Variants in SLC14A2 observed in about 807,000 individuals in gnomAD.
SLC14A2 encodes the protein solute carrier family 14 member 2, also known as urea transporter 2.
SLC14A2 carries 91 observed loss-of-function variants against 104.6 expected under a neutral mutation model. The observed-to-expected ratio is 0.87, with a 90% confidence interval of 0.73 to 1.04. The LOEUF (loss-of-function observed/expected upper bound fraction) is 1.04. Among genes scored for constraint, SLC14A2 ranks in the 50% least tolerant of loss-of-function variants. The pLI is 0.00. For synonymous variants in SLC14A2, 476 were observed against 466.4 expected (o/e 1.02, Z -0.27); for missense variants, 1,189 against 1,156.0 (o/e 1.03, Z -0.41).
At chr18:45,489,381 T>G (rs1030920265) in intron 2 of SLC14A2, among the ~76,000 whole-genome samples, 27 of 152,046 alleles carry the variant, frequency 1.8e-4, no homozygotes, top group African/African-American at 6.3e-4. Flanking sequence ...TGTGGTGGTG[T>G]GCTCCTGTGG....
the SLC14A2 span, among the ~76,000 whole-genome samples, chr18:45,207,499 CTAA>C: frequency 6.6e-6 from 1 of 151,796 alleles, no homozygotes; most frequent in Non-Finnish European, 1.5e-5. Flanking sequence ...AAAAATAAAC[CTAA>C]TAATGTGTGT....
At chr18:45,320,342 C>G (rs905616975) in intron 1 of SLC14A2, among the ~76,000 whole-genome samples, 17 of 152,046 alleles carry the variant, frequency 1.1e-4, no homozygotes, top group African/African-American at 4.1e-4. Flanking sequence ...GATCTCTTTC[C>G]CAAGGTGAGG....
At chr18:45,649,390 G>A (rs7237558) in intron 10 of SLC14A2, among the ~76,000 whole-genome samples, 82,526 of 151,928 alleles carry the variant, frequency 0.54, 23,192 homozygotes, top group African/African-American at 0.69. Flanking sequence ...CCTAAATTGT[G>A]CTAAGACCAT....
intron 1 of SLC14A2, among the ~76,000 whole-genome samples, chr18:45,478,673 T>C (rs1464001215): frequency 1.3e-5 from 2 of 152,194 alleles, no homozygotes; most frequent in Non-Finnish European, 2.9e-5. Context: ...CAGCCTATAA[T>C]GTCATCCAGT....
At chr18:45,484,051 C>T (rs185107464) in intron 2 of SLC14A2, among the ~76,000 whole-genome samples, 6 of 152,158 alleles carry the variant, frequency 3.9e-5, no homozygotes, top group Non-Finnish European at 8.8e-5. Flanking sequence ...ACTTTGATGG[C>T]TTAATAAAAT....
intron 1 of SLC14A2, among the ~76,000 whole-genome samples, chr18:45,216,461 GT>G (rs1396883951): frequency 6.6e-6 from 1 of 152,144 alleles, no homozygotes; most frequent in Non-Finnish European, 1.5e-5. Context: ...AATCTCATCT[GT>G]TTTCTGGGGG....
At chr18:45,598,077 G>A (rs938420006) in intron 2 of SLC14A2, among the ~76,000 whole-genome samples, 2 of 152,088 alleles carry the variant, frequency 1.3e-5, no homozygotes, top group African/African-American at 4.8e-5. Flanking sequence ...TTCTACAAAT[G>A]GGCAACCCAC....
chr18:45,226,595 C>T (rs923239626), intron 1 of SLC14A2, among the ~76,000 whole-genome samples: 5 of 147,618 alleles, frequency 3.4e-5, no homozygotes, highest in African/African-American at 1.3e-4. Context: ...TGCATGTTCT[C>T]ACTCATAGGT....
intron 2 of SLC14A2, among the ~76,000 whole-genome samples, chr18:45,598,373 T>C (rs1186794359): frequency 1.3e-5 from 2 of 152,144 alleles, no homozygotes; most frequent in African/African-American, 4.8e-5. Flanking sequence ...GCACTGCAGC[T>C]TGGGTCTGCT....
intron 2 of SLC14A2, among the ~76,000 whole-genome samples, chr18:45,588,870 T>C (rs1336264781): frequency 6.6e-6 from 1 of 152,024 alleles, no homozygotes; most frequent in Admixed American, 6.6e-5. Flanking sequence ...GGAAAGACAG[T>C]ACAGTCATGC....
rs144400106 is a variant in SLC14A2, at chr18:45,637,196, C to G, written c.843+14C>G. On this transcript the variant is annotated intron_variant, in intron 6 of 19. Coordinates refer to ENST00000255226, the MANE Select transcript of SLC14A2 (RefSeq NM_007163.4). Reference sequence around the variant, plus strand: ...GAAATGCCCCTGGTAAGTTACCCAGCGGTGATGAGTTGAGACCCCCATATT... The same window carrying G: ...GAAATGCCCCTGGTAAGTTACCCAGGGGTGATGAGTTGAGACCCCCATATT... The G allele has an allele frequency of 1.9e-6, 3 of 1,609,076 alleles. No homozygotes were observed. The highest frequency in any genetic ancestry group is 2.6e-6 in the Non-Finnish European group (3 of 1,176,364).
chr18:45,612,453 CA>C (rs1269132441), upstream of SLC14A2, among the ~76,000 whole-genome samples: 9 of 152,250 alleles, frequency 5.9e-5, no homozygotes, highest in Non-Finnish European at 1.3e-4. Flanking sequence ...TGCTCAGACA[CA>C]CCCACATGAA....
chr18:45,673,586 C>T (rs1451996992), intron 17 of SLC14A2, 97 bp from the exon 18 acceptor site: 29 of 1,359,712 alleles, frequency 2.1e-5, no homozygotes, highest in Non-Finnish European at 2.8e-5. Context: ...AAGAAGATAA[C>T]TGGCTCCGGG....
intron 2 of SLC14A2, among the ~76,000 whole-genome samples, chr18:45,533,727 T>A (rs1330802394): frequency 6.6e-6 from 1 of 152,206 alleles, no homozygotes; most frequent in Non-Finnish European, 1.5e-5. Flanking sequence ...TAGTTATTTC[T>A]TGCCTTCTGC....
At chr18:45,342,894 A>G (rs992137600) in intron 1 of SLC14A2, among the ~76,000 whole-genome samples, 10 of 152,198 alleles carry the variant, frequency 6.6e-5, no homozygotes, top group Non-Finnish European at 1.2e-4. Context: ...TTATAGAACT[A>G]TTTCCAGAGC....
intron 5 of SLC14A2, among the ~76,000 whole-genome samples, chr18:45,635,965 G>A (rs962862792): frequency 6.6e-6 from 1 of 152,184 alleles, no homozygotes; most frequent in Non-Finnish European, 1.5e-5. Flanking sequence ...CAGACAGGGT[G>A]TGGATTTTAT....
chr18:45,501,279 T>C (rs886474786), intron 2 of SLC14A2, among the ~76,000 whole-genome samples: 8 of 152,296 alleles, frequency 5.3e-5, no homozygotes, highest in Admixed American at 2.0e-4. Context: ...TCTGCTTATG[T>C]CCTGTCCATC....
intron 10 of SLC14A2, among the ~76,000 whole-genome samples, chr18:45,661,091 G>GA (rs149663697): frequency 1.6e-4 from 25 of 152,302 alleles, no homozygotes; most frequent in African/African-American, 5.8e-4. Context: ...ACATAGCACA[G>GA]AATCTGGGCT....
chr18:45,309,347 T>C (rs978564605), intron 1 of SLC14A2, among the ~76,000 whole-genome samples: 2 of 151,904 alleles, frequency 1.3e-5, no homozygotes, highest in Non-Finnish European at 2.9e-5. Context: ...TTTTTTTTTT[T>C]CTGAAAGGGT....
Sources: gnomAD v4.1 joint callset for allele counts (sites outside exome capture counted in the v4.1 genomes callset) on GRCh38, gnomAD v4.1.1 for gene constraint, MANE v1.5 for transcripts, NCBI Gene and HGNC (gene_info 2026-07-23, HGNC 2026-07-21) for gene names.